Variants in GYG1 observed in about 807,000 individuals in gnomAD.
The protein encoded by GYG1 is glycogenin 1, also known as glycogenin-1.
In GYG1, 44 loss-of-function variants were observed where a neutral mutation model predicts 41.9. The ratio of observed to expected loss-of-function variants is 1.05; its 90% CI spans 0.83 to 1.35. GYG1 has a LOEUF of 1.35. GYG1 is among the 40% of genes most tolerant of loss of function. The pLI is 0.00. For missense variants in GYG1, 429 were observed against 418.9 expected (o/e 1.02, Z -0.21); for synonymous variants, 141 against 158.1 (o/e 0.89, Z 0.81).
chr3:149,018,541 T>G (rs1450556041), intron 5 of GYG1, among the ~76,000 whole-genome samples: 3 of 152,106 alleles, frequency 2.0e-5, no homozygotes, highest in African/African-American at 7.2e-5. Context: ...TTCACTTCTC[T>G]CTCACCCTCC....
At chr3:149,018,133 A>G (rs568449087) in intron 5 of GYG1, among the ~76,000 whole-genome samples, 1 of 152,250 alleles carries the variant, frequency 6.6e-6, no homozygotes, top group South Asian at 2.1e-4. Context: ...TAAATGACTA[A>G]AGGGTAAATT....
intron 4 of GYG1, among the ~76,000 whole-genome samples, chr3:149,006,160 G>A (rs1374477721): frequency 7.0e-6 from 1 of 142,548 alleles, no homozygotes; most frequent in Non-Finnish European, 1.5e-5. Context: ...TCAGCTCACT[G>A]CAACCTCTGC....
intron 4 of GYG1, among the ~76,000 whole-genome samples, chr3:148,999,377 A>G (rs78747605): frequency 0.018 from 2,681 of 152,320 alleles, 79 homozygotes; most frequent in African/African-American, 0.062. Flanking sequence ...AAAGTCATCT[A>G]TGCAGCTGAG....
chr3:149,015,946 A>G (rs956517156), intron 5 of GYG1, among the ~76,000 whole-genome samples: 3 of 152,090 alleles, frequency 2.0e-5, no homozygotes, highest in Non-Finnish European at 4.4e-5. Context: ...CTAGAACACA[A>G]GTGGAGAGAC....
At chr3:149,025,073 T>C (rs755429666) in intron 6 of GYG1, among the ~76,000 whole-genome samples, 31 of 152,312 alleles carry the variant, frequency 2.0e-4, no homozygotes, top group African/African-American at 6.7e-4. Flanking sequence ...TACTAAGATA[T>C]AGAAAGGAGA....
rs1714084606 is a variant in GYG1, at chr3:149,016,954, C to T, written c.609-7099C>T. 2.0e-5 allele frequency among the ~76,000 whole-genome samples: 3 copies of T among 152,104 alleles called. No individual in the cohort carries two copies. The South Asian group carries it at 6.2e-4, about 32-fold the overall frequency. ...GGCAAGAGGATGCTTGACATTGCTGCCATGATTCCCAGAGAAGTGTCGCAC... is the reference window on the plus strand; with the variant it reads ...GGCAAGAGGATGCTTGACATTGCTGTCATGATTCCCAGAGAAGTGTCGCAC... On this transcript the variant is annotated intron_variant, in intron 5 of 7. Transcript: ENST00000345003.
chr3:148,996,220 A>G (rs1712775994), intron 2 of GYG1, 82 bp from the exon 3 acceptor site: 1 of 937,414 alleles, frequency 1.1e-6, no homozygotes, highest in Admixed American at 1.7e-5. Flanking sequence ...TGGAGAAGGT[A>G]ATAAAGCATC....
chr3:148,994,023 G>C, intron 1 of GYG1, 119 bp from the exon 2 acceptor site: 1 of 868,928 alleles, frequency 1.2e-6, no homozygotes, highest in Non-Finnish European at 1.9e-6. Context: ...TTGATTCATA[G>C]AGAAAGTTGA....
chr3:149,026,964 C>G lies in GYG1; in HGVS notation c.*31C>G. The G allele has an allele frequency of 6.2e-7, 1 of 1,606,010 alleles. No individual in the cohort carries two copies. The highest frequency in any genetic ancestry group is 1.1e-5 in the South Asian group (1 of 90,944). ...CTGCATTTTTCTGTGAACACATCCA[C>G]TTCACAAGCCTTGTTTCTGATACTT... is the stretch of plus-strand genomic sequence containing the variant. On this transcript the variant is annotated 3_prime_UTR_variant, in exon 8 of 8. Transcript: ENST00000345003.
At chr3:149,026,625 GT>G in intron 7 of GYG1, 123 bp downstream of exon 7, 1 of 1,002,910 alleles carries the variant, frequency 1.0e-6, no homozygotes, top group South Asian at 1.3e-5. Context: ...TTTTTTGTTT[GT>G]TTCATGTAAT....
intron 5 of GYG1, among the ~76,000 whole-genome samples, chr3:149,017,659 G>C (rs1714141153): frequency 1.7e-5 from 2 of 120,444 alleles, no homozygotes; most frequent in South Asian, 6.0e-4. Context: ...GCAGTGGTGT[G>C]ATCTTGGCTC....
At chr3:149,006,510 C>A (rs766966088) in intron 4 of GYG1, among the ~76,000 whole-genome samples, 4 of 152,124 alleles carry the variant, frequency 2.6e-5, no homozygotes, top group Non-Finnish European at 4.4e-5. Flanking sequence ...TAGTATATAA[C>A]TTTGTGAGAT....
rs1712787449 is a variant in GYG1 at position 148,996,361 on chromosome 3, A to G, written c.203A>G (p.Asp68Gly). 2.5e-6 allele frequency: 4 copies of G among 1,612,208 alleles called. No homozygotes were observed. Residue 68 changes from aspartate to glycine, a missense_variant, in exon 3 of 8, where the codon GAT becomes GGT. Coordinates refer to ENST00000345003, the MANE Select transcript of GYG1 (RefSeq NM_004130.4). ...VIMVDVLDSG[D>G]SAHLTLMKRP... ...ATGGTAGATGTCTTGGACAGTGGCGATTCTGCTCATCTAACCTTAATGAAG... is the reference window on the plus strand; with the variant it reads ...ATGGTAGATGTCTTGGACAGTGGCGGTTCTGCTCATCTAACCTTAATGAAG...
chr3:149,012,071 C>T (rs1462537709), intron 5 of GYG1, among the ~76,000 whole-genome samples: 2 of 152,176 alleles, frequency 1.3e-5, no homozygotes, highest in East Asian at 3.8e-4. Flanking sequence ...TGTGGAGACC[C>T]ATCCAGAGAC....
At chr3:148,997,006 A>T (rs1482898231) in intron 4 of GYG1, 102 bp downstream of exon 4, 1 of 881,088 alleles carries the variant, frequency 1.1e-6, no homozygotes, top group Non-Finnish European at 1.9e-6. Context: ...TGCCTGGAAG[A>T]TATAAGAGAT....
intron 4 of GYG1, among the ~76,000 whole-genome samples, chr3:149,005,949 T>G (rs1231475016): frequency 6.6e-6 from 1 of 152,142 alleles, no homozygotes; most frequent in Non-Finnish European, 1.5e-5. Flanking sequence ...TGTATTCCCT[T>G]TTCTGTGTGT....
intron 4 of GYG1, among the ~76,000 whole-genome samples, chr3:149,006,082 T>C (rs934685839): frequency 7.3e-6 from 1 of 136,308 alleles, no homozygotes; most frequent in African/African-American, 3.2e-5. Context: ...ATCATATTCT[T>C]TTTTTTTTTT....
At chr3:149,010,683 T>C (rs1713674732) in intron 5 of GYG1, among the ~76,000 whole-genome samples, 2 of 152,182 alleles carry the variant, frequency 1.3e-5, no homozygotes, top group African/African-American at 4.8e-5. Flanking sequence ...ACTGTTTATC[T>C]CACTGTTAGG....
intron 1 of GYG1, chr3:148,992,767 T>C (rs1245795878): frequency 6.6e-6 from 1 of 152,356 alleles, no homozygotes. Context: ...AGAGCTTTCC[T>C]AGAGTGTGAG....
Sources: allele counts gnomAD v4.1 joint callset (sites outside exome capture counted in the v4.1 genomes callset), GRCh38; gene constraint gnomAD v4.1.1; transcripts MANE v1.5; gene names NCBI Gene and HGNC (gene_info 2026-07-23, HGNC 2026-07-21).